Variants in SCAI observed in about 807,000 individuals in gnomAD.
SCAI encodes the protein suppressor of cancer cell invasion, also known as protein SCAI.
Under a neutral mutation model 92.2 loss-of-function variants are expected in SCAI, and 24 were observed. The observed-to-expected ratio is 0.26, with a 90% CI of 0.19 to 0.37. The LOEUF (loss-of-function observed/expected upper bound fraction) is 0.37, where lower values mean the gene tolerates loss of function less well. Among genes scored for constraint, SCAI ranks in the 10% least tolerant of loss-of-function variants. The pLI, the probability that SCAI is intolerant of heterozygous loss-of-function variation, is 1.00. For synonymous variants in SCAI, 261 were observed against 258.6 expected (o/e 1.01, Z -0.09); for missense variants, 450 against 736.2 (o/e 0.61, Z 4.50).
rs1831655685 is a variant in SCAI, at chr9:124,971,393, T to C, written c.1651A>G (p.Met551Val). The change falls in exon 17 of 18, where the codon ATG becomes GTG. Residue 551 changes from methionine to valine, a missense_variant. This residue lies in a region of SCAI where 360 missense variants were observed against 601.8 expected (regional missense o/e 0.60). Coordinates refer to ENST00000336505, the MANE Select transcript of SCAI (RefSeq NM_001144877.3). ...LTRFIFCSATMRMHKIFRETR... is the reference protein window; with the variant it reads ...LTRFIFCSATVRMHKIFRETR... ...ACCCGAAAAATCTTGTGCATCCTCATGGTGGCTGAACAAAAGATAAATCTT... is the reference window on the plus strand; with the variant it reads ...ACCCGAAAAATCTTGTGCATCCTCACGGTGGCTGAACAAAAGATAAATCTT... 3 of 1,611,134 alleles carry C rather than the reference T, an allele frequency of 1.9e-6. No homozygotes were observed. The highest frequency in any genetic ancestry group is 2.5e-6 in the Non-Finnish European group (3 of 1,179,020).
At chr9:125,013,551 CAA>C (rs1832684620) in intron 9 of SCAI, among the ~76,000 whole-genome samples, 1 of 151,972 alleles carries the variant, frequency 6.6e-6, no homozygotes, top group Non-Finnish European at 1.5e-5. Context: ...GCTTACCAAC[CAA>C]AAAGAGTCCA....
chr9:125,022,165 C>A (rs962490742), intron 6 of SCAI, among the ~76,000 whole-genome samples: 1 of 151,994 alleles, frequency 6.6e-6, no homozygotes, highest in South Asian at 2.1e-4. Context: ...TACATCAGAT[C>A]ATTAATTTCC....
intron 17 of SCAI, chr9:124,968,927 T>G: frequency 2.2e-6 from 1 of 447,454 alleles, no homozygotes; most frequent in Non-Finnish European, 4.0e-6. Flanking sequence ...TCCAAAATTT[T>G]TCCAATTTAT....
At chr9:124,979,264 A>T in intron 14 of SCAI, among the ~76,000 whole-genome samples, 1 of 152,054 alleles carries the variant, frequency 6.6e-6, no homozygotes, top group East Asian at 1.9e-4. Flanking sequence ...TTGGCTGGGC[A>T]TGGTGTGTCT....
At position 125,015,447 on chromosome 9, in the gene SCAI, A is replaced by G. The variant is rs112220818; in HGVS notation, c.861+3352T>C. On this transcript the variant is annotated intron_variant, in intron 9 of 17. Transcript: ENST00000336505. ...ACATGAAAAAATGCTCACCATCACTAGCCATCAGAGAAATGCAAATCAAAA... is the reference window on the plus strand; with the variant it reads ...ACATGAAAAAATGCTCACCATCACTGGCCATCAGAGAAATGCAAATCAAAA... 2.0e-5 allele frequency among the ~76,000 whole-genome samples: 3 copies of G among 151,612 alleles called. No individual in the cohort carries two copies. In the South Asian group the frequency reaches 6.2e-4, roughly 32 times the overall value.
At chr9:125,061,482 GGGCCCA>G (rs1833767145) in intron 2 of SCAI, among the ~76,000 whole-genome samples, 1 of 151,564 alleles carries the variant, frequency 6.6e-6, no homozygotes, top group African/African-American at 2.4e-5. Context: ...GTTCAAGGCT[GGGCCCA>G]GTGGCTCACG....
At chr9:125,078,335 T>G (rs1834137516) in intron 2 of SCAI, among the ~76,000 whole-genome samples, 1 of 152,128 alleles carries the variant, frequency 6.6e-6, no homozygotes, top group Admixed American at 6.6e-5. Context: ...AAGACCAGCC[T>G]GGCAAATGTG....
At chr9:124,976,378 C>T (rs1214024736) in intron 14 of SCAI, among the ~76,000 whole-genome samples, 192 bp from the exon 15 acceptor site, 1 of 152,184 alleles carries the variant, frequency 6.6e-6, no homozygotes, top group Non-Finnish European at 1.5e-5. Context: ...TTCTTAAAGG[C>T]TCTCAATTGA....
rs1289543607 is a variant in SCAI at position 124,942,689 on chromosome 9, A to G, written c.*10118T>C. The G allele has an allele frequency of 6.6e-6, 1 of 152,260 alleles. No individual in the cohort carries two copies. The highest frequency in any genetic ancestry group is 6.5e-5 in the Admixed American group (1 of 15,290). The allele number at this position is 152,260 out of a possible 1,614,324, so 9.4% of individuals were successfully genotyped here. A position where few individuals can be genotyped will look rare whatever the true frequency, so the allele number is the denominator to read the frequency against. On this transcript the variant is annotated 3_prime_UTR_variant, in exon 18 of 18. Coordinates refer to ENST00000336505, the MANE Select transcript of SCAI (RefSeq NM_001144877.3). Reference sequence around the variant, plus strand: ...TCAAGGTACAAAATTCATGTACAAGAGTTCACACCTGATGAATGTAGACAC... The same window carrying G: ...TCAAGGTACAAAATTCATGTACAAGGGTTCACACCTGATGAATGTAGACAC...
chr9:125,027,028 C>G, intron 5 of SCAI, 118 bp from the exon 6 acceptor site: 1 of 475,804 alleles, frequency 2.1e-6, no homozygotes, highest in Non-Finnish European at 3.7e-6. Flanking sequence ...GTGGGAATGA[C>G]TGTCCTAAAT....
At chr9:125,076,185 C>T (rs1382245147) in intron 2 of SCAI, among the ~76,000 whole-genome samples, 1 of 151,686 alleles carries the variant, frequency 6.6e-6, no homozygotes, top group African/African-American at 2.4e-5. Context: ...AGCAGAACAA[C>T]AATAAAAATA....
At chr9:124,997,875 C>CAAAA (rs35502581) in intron 13 of SCAI, among the ~76,000 whole-genome samples, 2 of 111,134 alleles carry the variant, frequency 1.8e-5, no homozygotes, top group East Asian at 2.5e-4. Flanking sequence ...AACTCTGTCT[C>CAAAA]AAAAAAAAAA....
rs147292131 is a variant in SCAI at position 125,023,454 on chromosome 9, G to A, written c.513-2685C>T. Among the ~76,000 whole-genome samples the A allele has an allele frequency of 6.3e-3, 965 of 152,286 alleles. 13 individuals are homozygous for A. The highest frequency in any genetic ancestry group is 0.022 in the African/African-American group (903 of 41,556). On this transcript the variant is annotated intron_variant, in intron 6 of 17. Transcript: ENST00000336505. ...GTGGAATTCAAAACAAAGAAAATTA[G>A]TAGAAGGATGATGTCAATTCAAACT...
intron 13 of SCAI, 121 bp downstream of exon 13, chr9:124,999,770 A>T: frequency 1.7e-6 from 1 of 599,628 alleles, no homozygotes; most frequent in Non-Finnish European, 2.9e-6. Context: ...GTCTGTCCCT[A>T]AATCTTAGTC....
At chr9:125,115,348 G>A (rs928130339) in intron 2 of SCAI, among the ~76,000 whole-genome samples, 3 of 143,378 alleles carry the variant, frequency 2.1e-5, no homozygotes, top group Admixed American at 1.4e-4. Flanking sequence ...CTCCAGCCTG[G>A]GTGACAGAGC....
chr9:125,143,257 CCAGCCTGCA>C, intron 1 of SCAI, 119 bp downstream of exon 1: 1 of 543,424 alleles, frequency 1.8e-6, no homozygotes, highest in Non-Finnish European at 2.7e-6. Context: ...CAAGGTCCCC[CCAGCCTGCA>C]CCCCCCGCCC....
intron 9 of SCAI, among the ~76,000 whole-genome samples, chr9:125,009,908 G>A (rs1420278405): frequency 6.6e-6 from 1 of 151,642 alleles, no homozygotes; most frequent in Non-Finnish European, 1.5e-5. Context: ...TAAAAATAAA[G>A]TCAGTTGGCC....
intron 14 of SCAI, among the ~76,000 whole-genome samples, chr9:124,989,934 G>A (rs1413345882): frequency 6.6e-6 from 1 of 151,578 alleles, no homozygotes; most frequent in African/African-American, 2.4e-5. Flanking sequence ...CAGCACGTTG[G>A]GAGGCCAAGG....
intron 6 of SCAI, among the ~76,000 whole-genome samples, chr9:125,025,562 G>T (rs1051681053): frequency 2.6e-5 from 4 of 152,262 alleles, no homozygotes; most frequent in South Asian, 2.1e-4. Context: ...ATCTCGCCAA[G>T]AATTTTTTTA....
Sources: gnomAD v4.1 joint callset for allele counts (sites outside exome capture counted in the v4.1 genomes callset) on GRCh38, gnomAD v4.1.1 for gene constraint, gnomAD v4.1.1 regional missense constraint, MANE v1.5 for transcripts, NCBI Gene and HGNC (gene_info 2026-07-23, HGNC 2026-07-21) for gene names.